NFIB: variants seen among roughly 807,000 people sequenced by gnomAD.
NFIB encodes nuclear factor 1 B-type.
A neutral mutation model predicts 61.5 loss-of-function variants in NFIB; 11 were observed. That is an observed-to-expected ratio of 0.18 (90% confidence interval 0.11 to 0.30). The LOEUF (loss-of-function observed/expected upper bound fraction) is 0.30, where lower values mean the gene tolerates loss of function less well. NFIB is among the 10% of genes least tolerant of loss of function. NFIB has a pLI of 1.00. For missense variants in NFIB, 471 were observed against 608.9 expected (o/e 0.77, Z 2.38); for synonymous variants, 260 against 216.5 (o/e 1.20, Z -1.76).
the NFIB span, among the ~76,000 whole-genome samples, chr9:14,436,121 T>A: frequency 3.8e-4 from 58 of 152,352 alleles, no homozygotes; most frequent in African/African-American, 1.3e-3. Context: ...TGTCATGAAC[T>A]CTGCTCATTG....
chr9:14,348,658 C>T (rs986720742), intron 1 of NFIB, among the ~76,000 whole-genome samples: 2 of 152,250 alleles, frequency 1.3e-5, no homozygotes, highest in African/African-American at 2.4e-5. Context: ...GCAATACTGG[C>T]AGCAGTGGGA....
chr9:14,527,799 C>T, the NFIB span, among the ~76,000 whole-genome samples: 3 of 152,146 alleles, frequency 2.0e-5, no homozygotes, highest in African/African-American at 7.2e-5. Context: ...GTTTCTACCA[C>T]ATTTCTACAT....
chr9:14,405,541 A>G, the NFIB span, among the ~76,000 whole-genome samples: 1 of 152,218 alleles, frequency 6.6e-6, no homozygotes, highest in Non-Finnish European at 1.5e-5. Context: ...AACTCAAAAG[A>G]CAGGCCAAGT....
chr9:14,267,517 T>A (rs1350470098), intron 2 of NFIB, among the ~76,000 whole-genome samples: 1 of 152,218 alleles, frequency 6.6e-6, no homozygotes, highest in Non-Finnish European at 1.5e-5. Flanking sequence ...CTTTTCCTAT[T>A]TCATTTCCTC....
intron 2 of NFIB, among the ~76,000 whole-genome samples, chr9:14,219,671 T>G (rs568084294): frequency 2.6e-5 from 4 of 152,274 alleles, no homozygotes; most frequent in African/African-American, 9.6e-5. Context: ...TGGTGAGCAA[T>G]GTTAGAGATA....
At chr9:14,504,059 A>C in the NFIB span, among the ~76,000 whole-genome samples, 1 of 152,104 alleles carries the variant, frequency 6.6e-6, no homozygotes, top group Non-Finnish European at 1.5e-5. Context: ...TCCCAACACC[A>C]TTTGTTGAAT....
the NFIB span, among the ~76,000 whole-genome samples, chr9:14,432,739 C>G: frequency 2.9e-3 from 448 of 152,178 alleles, 10 homozygotes; most frequent in East Asian, 0.072. Context: ...GAAGAGGAGA[C>G]CTCAGAGTAG....
chr9:14,409,826 G>A, the NFIB span, among the ~76,000 whole-genome samples: 1 of 152,166 alleles, frequency 6.6e-6, no homozygotes, highest in African/African-American at 2.4e-5. Context: ...TCTGATAAGA[G>A]AAGGTATTAT....
chr9:14,102,815 G>A (rs2035973180), intron 10 of NFIB, among the ~76,000 whole-genome samples: 1 of 152,112 alleles, frequency 6.6e-6, no homozygotes, highest in Non-Finnish European at 1.5e-5. Flanking sequence ...GAAAGCAAAC[G>A]TTAATGTTCA....
chr9:14,441,259 G>A, the NFIB span, among the ~76,000 whole-genome samples: 1 of 152,024 alleles, frequency 6.6e-6, no homozygotes, highest in Non-Finnish European at 1.5e-5. Flanking sequence ...ATAACCTGTA[G>A]TGCCTCATGG....
chr9:14,342,973 A>G (rs1588337492), intron 1 of NFIB, among the ~76,000 whole-genome samples: 1 of 152,012 alleles, frequency 6.6e-6, no homozygotes, highest in East Asian at 1.9e-4. Context: ...TATATTATTA[A>G]AGAAAGGAGG....
chr9:14,337,253 C>T (rs1398165652), intron 1 of NFIB, among the ~76,000 whole-genome samples: 1 of 152,146 alleles, frequency 6.6e-6, no homozygotes, highest in Non-Finnish European at 1.5e-5. Context: ...CAAAAGTTCC[C>T]TCAACCACAG....
the NFIB span, among the ~76,000 whole-genome samples, chr9:14,507,644 T>C: frequency 6.6e-6 from 1 of 152,192 alleles, no homozygotes; most frequent in Non-Finnish European, 1.5e-5. Flanking sequence ...AATGGGAAGA[T>C]AATGCAGATA....
chr9:14,509,190 C>G, the NFIB span, among the ~76,000 whole-genome samples: 12 of 152,262 alleles, frequency 7.9e-5, no homozygotes, highest in African/African-American at 2.9e-4. Context: ...GAGCTCATAT[C>G]CTAGTTTCTA....
chr9:14,257,081 G>C (rs1031467915), intron 2 of NFIB, among the ~76,000 whole-genome samples: 5 of 152,174 alleles, frequency 3.3e-5, no homozygotes, highest in African/African-American at 1.2e-4. Flanking sequence ...AGCACCCAAG[G>C]CTTTAAAGCC....
At chr9:14,369,134 T>A (rs1188060504) in intron 1 of NFIB, among the ~76,000 whole-genome samples, 1 of 152,186 alleles carries the variant, frequency 6.6e-6, no homozygotes, top group East Asian at 1.9e-4. Context: ...CAGAATAATG[T>A]CTGCCTCAAA....
At chr9:14,453,624 A>G in the NFIB span, among the ~76,000 whole-genome samples, 7 of 152,222 alleles carry the variant, frequency 4.6e-5, no homozygotes, top group Non-Finnish European at 1.0e-4. Flanking sequence ...TTTATTTCTT[A>G]GTAAATCATT....
chr9:14,197,354 G>A (rs1034637319), intron 2 of NFIB, among the ~76,000 whole-genome samples: 1 of 90,222 alleles, frequency 1.1e-5, no homozygotes, highest in Admixed American at 1.2e-4. Context: ...GAATCTGATA[G>A]GATGTCCCTA....
At chr9:14,152,284 C>A (rs1438177543) in intron 4 of NFIB, among the ~76,000 whole-genome samples, 1 of 152,064 alleles carries the variant, frequency 6.6e-6, no homozygotes, top group African/African-American at 2.4e-5. Flanking sequence ...TAACTAAGTG[C>A]CTGATGGCTT....
Sources: allele counts gnomAD v4.1 joint callset (sites outside exome capture counted in the v4.1 genomes callset), GRCh38; gene constraint gnomAD v4.1.1; transcripts MANE v1.5; gene names NCBI Gene and HGNC (gene_info 2026-07-23, HGNC 2026-07-21).